The following P2RY13 variants were observed in gnomAD, a reference collection of about 807,000 sequenced individuals.
The protein encoded by P2RY13 is purinergic receptor P2Y13.
For synonymous variants in P2RY13, 150 were observed against 155.1 expected (o/e 0.97, Z 0.24); for missense variants, 412 against 418.4 (o/e 0.98, Z 0.13).
chr3:151,329,147 TGAAAAG>T (rs920431477), intron 1 of P2RY13, 140 bp from the exon 2 acceptor site: 86 of 658,690 alleles, frequency 1.3e-4, no homozygotes, highest in African/African-American at 1.3e-3. Context: ...ATAGATGTGT[TGAAAAG>T]GAAAATACTG....
chr3:151,328,459 C>T lies in P2RY13; in HGVS notation c.597G>A (p.Gly199=). 6.2e-7 allele frequency: 1 copy of T among 1,613,834 alleles called. No individual in the cohort carries two copies. The highest frequency in any genetic ancestry group is 8.5e-7 in the Non-Finnish European group (1 of 1,179,812). ...SSVKKCASLK[G]PLGLKWHQMV... is the part of the protein sequence containing the mutation. ...TTTGATGCCATTTCAGCCCCAGAGG[C>T]CCCTTTAAGGAAGCACACTTTTTCA... The change falls in exon 2 of 2, where the codon GGG becomes GGA. Residue 199 remains glycine (G), a synonymous_variant. Coordinates refer to ENST00000325602, the MANE Select transcript of P2RY13 (RefSeq NM_176894.3).
rs1389992268 is a variant in P2RY13, at chr3:151,329,536, G to A, written c.-8C>T. ...TCTTATGGCGGCAGTCATTAGTTCAGCCTACAAATGAGCATGTGAAGCAAA... is the reference window on the plus strand; with the variant it reads ...TCTTATGGCGGCAGTCATTAGTTCAACCTACAAATGAGCATGTGAAGCAAA... On this transcript the variant is annotated 5_prime_UTR_variant, in exon 1 of 2. Transcript: ENST00000325602. 6.5e-7 allele frequency: 1 copy of A among 1,540,510 alleles called. No individual in the cohort carries two copies. The highest frequency in any genetic ancestry group is 2.5e-5 in the East Asian group (1 of 40,686).
chr3:151,328,447 C>G lies in P2RY13; in HGVS notation c.609G>C (p.Leu203=). ...KCASLKGPLG[L]KWHQMVNNIC... The stretch of plus-strand genomic sequence containing the variant: ...TGTTATTTACCATTTGATGCCATTT[C>G]AGCCCCAGAGGCCCCTTTAAGGAAG... The change falls in exon 2 of 2, where the codon CTG becomes CTC. Residue 203 remains leucine (L), a synonymous_variant. Transcript: ENST00000325602. 1 of 1,613,750 alleles carries G rather than the reference C, an allele frequency of 6.2e-7. No individual in the cohort carries two copies.
At position 151,326,701 on chromosome 3, in the gene P2RY13, G is replaced by T. The variant is rs183428748; in HGVS notation, c.*1290C>A. 9.8e-5 allele frequency: 15 copies of T among 152,314 alleles called. No individual in the cohort carries two copies. The highest frequency in any genetic ancestry group is 3.6e-4 in the African/African-American group (15 of 41,560). 9.4% of individuals were successfully genotyped at this position (152,314 alleles called of 1,614,324 possible). On this transcript the variant is annotated 3_prime_UTR_variant, in exon 2 of 2. Coordinates refer to ENST00000325602, the MANE Select transcript of P2RY13 (RefSeq NM_176894.3). ...CTAGGAGGTAAGGCCAGAAAGGTAG[G>T]CAAGTTCTAGGGCCTTTGAGGCCAT...
In P2RY13 at chr3:151,329,513, T is replaced by A; in HGVS notation, c.16A>T (p.Arg6Ter). The change falls in exon 1 of 2, where the codon AGA becomes TGA. Residue 6 changes from arginine (R) to a stop codon, truncating the protein, a stop_gained. Coordinates refer to ENST00000325602, the MANE Select transcript of P2RY13 (RefSeq NM_176894.3). LOFTEE classifies it low-confidence loss of function (END_TRUNC). ...AGGATACTCAGTTCTCTCTGTCTTC[T>A]TATGGCGGCAGTCATTAGTTCAGCC... MTAAI[R>*]RQRELSILPK... is the part of the protein sequence containing the mutation. 6.5e-7 allele frequency: 1 copy of A among 1,548,542 alleles called. No homozygotes were observed. Among genetic ancestry groups the A allele is most frequent in the Non-Finnish European group, 8.7e-7 (1 of 1,144,704 alleles).
rs1560034267 is a variant in P2RY13 at position 151,328,665 on chromosome 3, TGC to T, written c.389_390del (p.Gly130AspfsTer10). 6.2e-7 allele frequency: 1 copy of T among 1,613,706 alleles called. No homozygotes were observed. Among genetic ancestry groups the T allele is most frequent in the Non-Finnish European group, 8.5e-7 (1 of 1,179,760 alleles). On this transcript the variant is annotated frameshift_variant, in exon 2 of 2. Transcript: ENST00000325602. LOFTEE classifies it low-confidence loss of function (END_TRUNC). ...AAGGCTATGAGCCCTAACAGCACGA[TGC>T]CCACATACATGGTCTCATAAAATAT... ...SVIFYETMYV[G>X]IVLLGLIAFD...
rs1322373814 is a variant in P2RY13, at chr3:151,328,524, T to C, written c.532A>G (p.Asn178Asp). 6.2e-7 allele frequency: 1 copy of C among 1,613,830 alleles called. No individual in the cohort carries two copies. Among genetic ancestry groups the C allele is most frequent in the Non-Finnish European group, 8.5e-7 (1 of 1,179,928 alleles). The change falls in exon 2 of 2, where the codon AAT becomes GAT. Residue 178 changes from asparagine (N) to aspartate (D), a missense_variant. Physicochemically the swap from Asn to Asp is conservative, Grantham distance 23. Transcript: ENST00000325602. ...GCTTCCTTGTTGCTCAAGATCGTAT[T>C]TGGCAGGGAGATGAAGAACAAAAAG... Reference protein sequence around the residue: ...WFFLFFISLPNTILSNKEATP... With the variant: ...WFFLFFISLPDTILSNKEATP...
In P2RY13 at chr3:151,328,665, T is replaced by C. The variant is rs1378627478; in HGVS notation, c.391A>G (p.Ile131Val). Reference protein sequence around the residue: ...VIFYETMYVGIVLLGLIAFDR... With the variant: ...VIFYETMYVGVVLLGLIAFDR... ...AAGGCTATGAGCCCTAACAGCACGA[T>C]GCCCACATACATGGTCTCATAAAAT... Residue 131 changes from isoleucine (I) to valine (V), a missense_variant, in exon 2 of 2, where the codon ATC becomes GTC. Physicochemically the swap from Ile to Val is conservative, Grantham distance 29. Transcript: ENST00000325602. The C allele has an allele frequency of 6.2e-7, 1 of 1,613,824 alleles. No homozygotes were observed. Among genetic ancestry groups the C allele is most frequent in the East Asian group, 2.2e-5 (1 of 44,880 alleles).
Position 151,328,550 on chromosome 3 carries a change from A to G in P2RY13, c.506T>C (p.Phe169Ser). 3 of 1,613,896 alleles carry G rather than the reference A, an allele frequency of 1.9e-6. No homozygotes were observed. Among genetic ancestry groups the G allele is most frequent in the Non-Finnish European group, 2.5e-6 (3 of 1,179,850 alleles). The change falls in exon 2 of 2, where the codon TTC becomes TCC. Residue 169 changes from phenylalanine to serine, a missense_variant. Transcript: ENST00000325602. ...FAKTVSIFIW[F>S]FLFFISLPNT... ...TGGCAGGGAGATGAAGAACAAAAAG[A>G]ACCAGATGAAGATTGAGACCGTTTT...
Position 151,328,148 on chromosome 3 carries a change from A to C in P2RY13, c.908T>G (p.Leu303Arg). The change falls in exon 2 of 2, where the codon CTC becomes CGC. Residue 303 changes from leucine to arginine, a missense_variant. Coordinates refer to ENST00000325602, the MANE Select transcript of P2RY13 (RefSeq NM_176894.3). ...ACAAATGTTAGTTGCTGCCAAAAAG[A>C]GAGTTGTTTCTTTAGCAATAAACAG... ...NQLFIAKETTLFLAATNICMD... is the reference protein window; with the variant it reads ...NQLFIAKETTRFLAATNICMD... 6.2e-7 allele frequency: 1 copy of C among 1,613,018 alleles called. No individual in the cohort carries two copies. The highest frequency in any genetic ancestry group is 8.5e-7 in the Non-Finnish European group (1 of 1,179,598).
At position 151,329,522 on chromosome 3, in the gene P2RY13, C is replaced by T; in HGVS notation, c.7G>A (p.Ala3Thr). The T allele has an allele frequency of 6.5e-7, 1 of 1,547,412 alleles. No individual in the cohort carries two copies. Among genetic ancestry groups the T allele is most frequent in the African/African-American group, 1.4e-5 (1 of 73,034 alleles). Residue 3 changes from alanine (A) to threonine (T), a missense_variant, in exon 1 of 2, where the codon GCC becomes ACC. Ala to Thr is a moderately conservative substitution (Grantham distance 58, BLOSUM62 0). Coordinates refer to ENST00000325602, the MANE Select transcript of P2RY13 (RefSeq NM_176894.3). MT[A>T]AIRRQRELSI... ...AGTTCTCTCTGTCTTCTTATGGCGG[C>T]AGTCATTAGTTCAGCCTACAAATGA...
Position 151,329,491 on chromosome 3 carries a change from A to T in P2RY13, c.38T>A (p.Ile13Asn), listed in dbSNP as rs1750106679. The change falls in exon 1 of 2, where the codon ATC becomes AAC. Residue 13 changes from isoleucine (I) to asparagine (N), a missense_variant. Coordinates refer to ENST00000325602, the MANE Select transcript of P2RY13 (RefSeq NM_176894.3). Reference protein sequence around the residue: ...AAIRRQRELSILPKVTLEAMN... With the variant: ...AAIRRQRELSNLPKVTLEAMN... Reference sequence around the variant, plus strand: ...AAAATTGAAATTCACCTTTGGGAGGATACTCAGTTCTCTCTGTCTTCTTAT... The same window carrying T: ...AAAATTGAAATTCACCTTTGGGAGGTTACTCAGTTCTCTCTGTCTTCTTAT... The T allele has an allele frequency of 6.5e-6, 10 of 1,545,718 alleles. No homozygotes were observed. Among genetic ancestry groups the T allele is most frequent in the East Asian group, 2.5e-5 (1 of 40,748 alleles).
At position 151,329,548 on chromosome 3, in the gene P2RY13, G is replaced by T. The variant is rs1371017941; in HGVS notation, c.-20C>A. 7.2e-6 allele frequency: 11 copies of T among 1,526,394 alleles called. No individual in the cohort carries two copies. In the Admixed American group the frequency reaches 2.2e-4, roughly 31 times the overall value. 94.6% of individuals were successfully genotyped at this position (1,526,394 alleles called of 1,614,324 possible). Reference sequence around the variant, plus strand: ...AGTCATTAGTTCAGCCTACAAATGAGCATGTGAAGCAAATGTTCTGCTTTC... The same window carrying T: ...AGTCATTAGTTCAGCCTACAAATGATCATGTGAAGCAAATGTTCTGCTTTC... On this transcript the variant is annotated 5_prime_UTR_variant, in exon 1 of 2. Coordinates refer to ENST00000325602, the MANE Select transcript of P2RY13 (RefSeq NM_176894.3).
rs1292725005 is a variant in P2RY13 at position 151,326,536 on chromosome 3, C to G, written c.*1455G>C. ...TATTTCATGGACCAAGTGATGACAA[C>G]ATAGGGTTTCACAGATGGATAAGAG... On this transcript the variant is annotated 3_prime_UTR_variant, in exon 2 of 2. Coordinates refer to ENST00000325602, the MANE Select transcript of P2RY13 (RefSeq NM_176894.3). 6.6e-6 allele frequency: 1 copy of G among 152,302 alleles called. No homozygotes were observed. The highest frequency in any genetic ancestry group is 2.4e-5 in the African/African-American group (1 of 41,408). 9.4% of individuals were successfully genotyped at this position (152,302 alleles called of 1,614,324 possible). A position where few individuals can be genotyped will look rare whatever the true frequency, so the allele number is the denominator to read the frequency against.
At position 151,328,690 on chromosome 3, in the gene P2RY13, T is replaced by C. The variant is rs1176114027; in HGVS notation, c.366A>G (p.Ile122Met). The C allele has an allele frequency of 4.3e-6, 7 of 1,613,932 alleles. No homozygotes were observed. The highest frequency in any genetic ancestry group is 5.9e-6 in the Non-Finnish European group (7 of 1,179,906). Residue 122 changes from isoleucine (I) to methionine (M), a missense_variant, in exon 2 of 2, where the codon ATA becomes ATG. Coordinates refer to ENST00000325602, the MANE Select transcript of P2RY13 (RefSeq NM_176894.3). ...RAFVCRFSSV[I>M]FYETMYVGIV... ...TGCCCACATACATGGTCTCATAAAATATCACCGAAGAAAAACGACACACAA... is the reference window on the plus strand; with the variant it reads ...TGCCCACATACATGGTCTCATAAAACATCACCGAAGAAAAACGACACACAA...
Position 151,326,753 on chromosome 3 carries a change from G to A in P2RY13, c.*1238C>T, listed in dbSNP as rs1053017235. The A allele has an allele frequency of 3.2e-4, 48 of 152,356 alleles. 1 individual carries two copies. The highest frequency in any genetic ancestry group is 9.1e-4 in the African/African-American group (38 of 41,584). 9.4% of individuals were successfully genotyped at this position (152,356 alleles called of 1,614,324 possible). ...GAAGAAAACGTGGGCTTCACCCTAC[G>A]ATGGTCGTGTTGGAGCTCGTGGCAC... On this transcript the variant is annotated 3_prime_UTR_variant, in exon 2 of 2. Coordinates refer to ENST00000325602, the MANE Select transcript of P2RY13 (RefSeq NM_176894.3).
At position 151,328,282 on chromosome 3, in the gene P2RY13, A is replaced by G. The variant is rs1423734684; in HGVS notation, c.774T>C (p.Phe258=). The G allele has an allele frequency of 6.2e-7, 1 of 1,613,922 alleles. No individual in the cohort carries two copies. The highest frequency in any genetic ancestry group is 2.2e-5 in the East Asian group (1 of 44,874). Residue 258 remains phenylalanine (F), a synonymous_variant, in exon 2 of 2, where the codon TTT becomes TTC. Transcript: ENST00000325602. ...ACACAAAGAAGACAGCCACGACAAC[A>G]AATACTTTGCCTTCCAGCTTTTTGT... ...KNNKKLEGKV[F]VVVAVFFVCF...
At chr3:151,329,035 A>G (rs781100764) in intron 1 of P2RY13, 28 bp from the exon 2 acceptor site, 1 of 1,480,204 alleles carries the variant, frequency 6.8e-7, no homozygotes, top group Non-Finnish European at 9.1e-7. Flanking sequence ...ATATACAAAC[A>G]AAAGAAAACA....
At chr3:151,329,073 A>T in intron 1 of P2RY13, 66 bp from the exon 2 acceptor site, 1 of 1,222,412 alleles carries the variant, frequency 8.2e-7, no homozygotes, top group Non-Finnish European at 1.1e-6. Context: ...TTCAAATGCT[A>T]TTTTTTAAAA....
Sources: gnomAD v4.1 joint callset for allele counts on GRCh38, gnomAD v4.1.1 for gene constraint, MANE v1.5 for transcripts, NCBI Gene and HGNC (gene_info 2026-07-23, HGNC 2026-07-21) for gene names.